PCDH10: variants seen among roughly 807,000 people sequenced by gnomAD.
The protein encoded by PCDH10 is protocadherin-10.
PCDH10 carries 15 observed loss-of-function variants against 74.4 expected under a neutral mutation model. That is an observed-to-expected ratio of 0.20 (90% CI 0.13 to 0.31). The LOEUF (loss-of-function observed/expected upper bound fraction) is 0.31. Among genes scored for constraint, PCDH10 ranks in the 10% least tolerant of loss-of-function variants. PCDH10 has a pLI of 1.00. For missense variants in PCDH10, 1,260 were observed against 1,390.2 expected (o/e 0.91, Z 1.49); for synonymous variants, 619 against 589.8 (o/e 1.05, Z -0.72).
At chr4:133,199,327 AT>A (rs1259579056), downstream of PCDH10, among the ~76,000 whole-genome samples, 26 of 144,934 alleles carry the variant, frequency 1.8e-4, no homozygotes, top group East Asian at 4.5e-3. Context: ...AATAATAATA[AT>A]TAATTAAATA....
chr4:133,159,529 C>T (rs750210548), intron 3 of PCDH10, among the ~76,000 whole-genome samples: 4 of 151,932 alleles, frequency 2.6e-5, no homozygotes, highest in Non-Finnish European at 4.4e-5. Context: ...ACATTGGAGA[C>T]TCTGAAAGGT....
intron 4 of PCDH10, among the ~76,000 whole-genome samples, chr4:133,165,588 G>A (rs1727062317): frequency 6.6e-6 from 1 of 151,540 alleles, no homozygotes; most frequent in Non-Finnish European, 1.5e-5. Flanking sequence ...GACACTACTT[G>A]CTTTTAATCA....
intron 4 of PCDH10, among the ~76,000 whole-genome samples, chr4:133,184,716 T>C (rs1727496923): frequency 1.4e-5 from 2 of 144,970 alleles, no homozygotes; most frequent in South Asian, 4.3e-4. Flanking sequence ...TATTTATATT[T>C]GTTTACATAT....
At chr4:133,187,937 C>T (rs1259126980) in intron 4 of PCDH10, among the ~76,000 whole-genome samples, 2 of 152,126 alleles carry the variant, frequency 1.3e-5, no homozygotes, top group East Asian at 3.9e-4. Context: ...GCTATGTTGA[C>T]TACTTTCTGA....
At chr4:133,175,233 C>A (rs984623537) in intron 4 of PCDH10, among the ~76,000 whole-genome samples, 8 of 151,822 alleles carry the variant, frequency 5.3e-5, no homozygotes, top group African/African-American at 1.7e-4. Flanking sequence ...TTCAAAGGGA[C>A]ATCAATTGGC....
intron 2 of PCDH10, among the ~76,000 whole-genome samples, chr4:133,205,775 C>T (rs937762048): frequency 1.3e-5 from 2 of 152,052 alleles, no homozygotes; most frequent in South Asian, 2.1e-4. Context: ...TTTATTACTA[C>T]TATTATTATT....
intron 4 of PCDH10, among the ~76,000 whole-genome samples, chr4:133,170,450 G>A (rs1345216146): frequency 2.0e-5 from 3 of 151,894 alleles, no homozygotes; most frequent in Non-Finnish European, 4.4e-5. Context: ...ATATGCTCTG[G>A]TTTCGTGATT....
chr4:133,182,695 A>G (rs1727442220), intron 4 of PCDH10, among the ~76,000 whole-genome samples: 1 of 152,116 alleles, frequency 6.6e-6, no homozygotes, highest in Non-Finnish European at 1.5e-5. Flanking sequence ...GGGTCAGAAC[A>G]TCTGAAAAAT....
chr4:133,206,678 T>C (rs1055714301), intron 2 of PCDH10, among the ~76,000 whole-genome samples: 1 of 152,234 alleles, frequency 6.6e-6, no homozygotes, highest in African/African-American at 2.4e-5. Context: ...TTTGTCATTG[T>C]AGCTTTTTCA....
At chr4:133,174,613 A>G (rs1354644172) in intron 4 of PCDH10, among the ~76,000 whole-genome samples, 1 of 151,248 alleles carries the variant, frequency 6.6e-6, no homozygotes, top group Non-Finnish European at 1.5e-5. Context: ...TTTAGAATCA[A>G]TTTATAAATA....
Position 133,208,396 on chromosome 4 carries a change from G to C in PCDH10, n.758G>C, listed in dbSNP as rs1728093822. The C allele has an allele frequency of 2.0e-5, 3 of 152,170 alleles. No homozygotes were observed. In the South Asian group the frequency reaches 6.2e-4, roughly 31 times the overall value. 9.4% of individuals were successfully genotyped at this position (152,170 alleles called of 1,614,324 possible). ...GGTGAGAATCCTATTGTCTGATACA[G>C]TAATATGAAGTATTGATTTTTCTGG... On this transcript the variant is annotated non_coding_transcript_exon_variant, in exon 3 of 3. Transcript: ENST00000511112.
intron 4 of PCDH10, 150 bp from the exon 5 acceptor site, chr4:133,189,991 T>C: frequency 1.5e-6 from 1 of 667,756 alleles, no homozygotes; most frequent in Admixed American, 2.6e-5. Context: ...TGGCTGTGAC[T>C]ACTAGCAGTG....
chr4:133,180,249 A>C (rs1047534169), intron 4 of PCDH10, among the ~76,000 whole-genome samples: 1 of 152,084 alleles, frequency 6.6e-6, no homozygotes, highest in African/African-American at 2.4e-5. Flanking sequence ...AATATAAGGT[A>C]ATCTTAAATA....
rs1203658798 is a variant in PCDH10, at chr4:133,163,405, G to A, written c.3103+123G>A. 6 of 785,840 alleles carry A rather than the reference G, an allele frequency of 7.6e-6. No homozygotes were observed. In the East Asian group the frequency reaches 1.5e-4, roughly 20 times the overall value. The allele number at this position is 785,840 out of a possible 1,614,324, so 48.7% of individuals were successfully genotyped here. A position where few individuals can be genotyped will look rare whatever the true frequency, so the allele number is the denominator to read the frequency against. ...TAAGAAATAAAGATAAAAGTGACTGGATGCTGGCAGCACTTTAGGGCAATA... is the reference window on the plus strand; with the variant it reads ...TAAGAAATAAAGATAAAAGTGACTGAATGCTGGCAGCACTTTAGGGCAATA... On this transcript the variant is annotated intron_variant, in intron 4 of 4. Transcript: ENST00000264360.
intron 3 of PCDH10, among the ~76,000 whole-genome samples, chr4:133,158,478 A>G (rs919167653): frequency 2.0e-5 from 3 of 152,166 alleles, no homozygotes; most frequent in Admixed American, 6.6e-5. Flanking sequence ...TTTCTCTTCA[A>G]TAATTTTTTC....
chr4:133,180,322 G>A (rs900753511), intron 4 of PCDH10, among the ~76,000 whole-genome samples: 28 of 152,074 alleles, frequency 1.8e-4, no homozygotes, highest in African/African-American at 3.4e-4. Flanking sequence ...GTTGTTGATA[G>A]TACTGTATAC....
In PCDH10 at chr4:133,151,083, G is replaced by T. The variant is rs766732233; in HGVS notation, c.943G>T (p.Glu315Ter). The change falls in exon 1 of 5, where the codon GAG becomes TAG. Residue 315 changes from glutamate (E) to a stop codon, truncating the protein, a stop_gained. Coordinates refer to ENST00000264360, the MANE Select transcript of PCDH10 (RefSeq NM_032961.3). LOFTEE classifies it high-confidence loss of function. Reference sequence around the variant, plus strand: ...CACTGGCAGACTGGAGGTAAGCGGCGAGTTGGACTATGAAGAGAGCCCAGT... The same window carrying T: ...CACTGGCAGACTGGAGGTAAGCGGCTAGTTGGACTATGAAGAGAGCCCAGT... ...PRTGRLEVSG[E>*]LDYEESPVYQ... is the part of the protein sequence containing the mutation. The T allele has an allele frequency of 6.2e-7, 1 of 1,614,120 alleles. No homozygotes were observed. The highest frequency in any genetic ancestry group is 8.5e-7 in the Non-Finnish European group (1 of 1,180,036).
downstream of PCDH10, among the ~76,000 whole-genome samples, chr4:133,197,926 A>AT (rs960828658): frequency 4.0e-5 from 6 of 151,668 alleles, no homozygotes; most frequent in Admixed American, 6.6e-5. Context: ...AATAGAGTGA[A>AT]TAGCCAATTT....
At chr4:133,161,158 C>T (rs944429021) in intron 3 of PCDH10, among the ~76,000 whole-genome samples, 2 of 152,086 alleles carry the variant, frequency 1.3e-5, no homozygotes, top group African/African-American at 2.4e-5. Context: ...CTTCAGCTGA[C>T]GTTTCCGTTC....
Sources: gnomAD v4.1 joint callset for allele counts (sites outside exome capture counted in the v4.1 genomes callset) on GRCh38, gnomAD v4.1.1 for gene constraint, MANE v1.5 for transcripts, NCBI Gene and HGNC (gene_info 2026-07-23, HGNC 2026-07-21) for gene names.